BRD1: variants seen among roughly 807,000 people sequenced by gnomAD.
BRD1 encodes bromodomain-containing protein 1.
A neutral mutation model predicts 107.7 loss-of-function variants in BRD1; 24 were observed. The observed-to-expected ratio is 0.22, with a 90% CI of 0.16 to 0.31. BRD1 has a LOEUF of 0.31. BRD1 is among the 10% of genes least tolerant of loss of function. The pLI is 1.00. For missense variants in BRD1, 1,279 were observed against 1,638.6 expected (o/e 0.78, Z 3.79); for synonymous variants, 744 against 686.1 (o/e 1.08, Z -1.32).
chr22:49,790,556 A>G (rs1375854177), intron 7 of BRD1, among the ~76,000 whole-genome samples: 1 of 152,232 alleles, frequency 6.6e-6, no homozygotes, highest in Non-Finnish European at 1.5e-5. Context: ...ACTCTAAGAA[A>G]CTAAAACCTA....
At chr22:49,825,748 A>C (rs1424023422) in intron 1 of BRD1, 1 of 152,218 alleles carries the variant, frequency 6.6e-6, no homozygotes, top group Non-Finnish European at 1.5e-5. Context: ...ATTGGGCCTG[A>C]GAAAAAGCCC....
chr22:49,811,987 C>T (rs1200124320), intron 2 of BRD1, among the ~76,000 whole-genome samples: 1 of 152,148 alleles, frequency 6.6e-6, no homozygotes, highest in Non-Finnish European at 1.5e-5. Flanking sequence ...TCAAAAATTC[C>T]TCTCAAAAAC....
chr22:49,780,880 A>G lies in BRD1; in HGVS notation c.2858-3067T>C, dbSNP rs567455862. On this transcript the variant is annotated intron_variant, in intron 8 of 12. Coordinates refer to ENST00000404760, the MANE Select transcript of BRD1 (RefSeq NM_001304808.3). ...GCCCAACGTGGGGAACCCAGGGCCT[A>G]AGGTCTGCAGAGATGGGTGCCCGGT... Among the ~76,000 whole-genome samples, 47 of 152,326 alleles carry G rather than the reference A, an allele frequency of 3.1e-4. No homozygotes were observed. The South Asian group carries it at 3.5e-3, about 11-fold the overall frequency.
chr22:49,812,563 C>T (rs2147284400), intron 2 of BRD1, among the ~76,000 whole-genome samples: 1 of 152,210 alleles, frequency 6.6e-6, no homozygotes, highest in South Asian at 2.1e-4. Context: ...AGAGCAAGAC[C>T]TTGTCTCAAA....
intron 8 of BRD1, among the ~76,000 whole-genome samples, chr22:49,784,675 G>A (rs534537425): frequency 1.3e-5 from 2 of 152,352 alleles, no homozygotes; most frequent in African/African-American, 2.4e-5. Context: ...ACATCAGAAG[G>A]TTCCGGATAA....
intron 2 of BRD1, among the ~76,000 whole-genome samples, chr22:49,812,094 C>G (rs1182919055): frequency 2.0e-5 from 3 of 147,748 alleles, no homozygotes; most frequent in Non-Finnish European, 3.0e-5. Context: ...GCAAGGAGCA[C>G]AGTCTGCTCC....
intron 1 of BRD1, among the ~76,000 whole-genome samples, chr22:49,827,121 G>A (rs926145745): frequency 2.0e-5 from 3 of 151,540 alleles, no homozygotes; most frequent in African/African-American, 7.3e-5. Context: ...CGGCCGGCTC[G>A]GCGGCTGCCC....
chr22:49,790,702 A>C (rs1436270194), intron 7 of BRD1, among the ~76,000 whole-genome samples: 1 of 152,210 alleles, frequency 6.6e-6, no homozygotes, highest in East Asian at 1.9e-4. Context: ...TCAGCTCACG[A>C]GCAGCAACCA....
Position 49,824,576 on chromosome 22 carries a change from C to G in BRD1, c.-14-245G>C. On this transcript the variant is annotated intron_variant, in intron 1 of 12. Coordinates refer to ENST00000404760, the MANE Select transcript of BRD1 (RefSeq NM_001304808.3). This position sits in a 1 kb window ranked among gnomAD's most constrained non-coding sequence, Gnocchi z 5.9. The stretch of plus-strand genomic sequence containing the variant: ...CCTGAGGAGCCCTCCTGAGCACCTG[C>G]GTCCCTACCACCACACACCAGTCCC... 7.5e-7 allele frequency: 1 copy of G among 1,333,560 alleles called. No homozygotes were observed. The highest frequency in any genetic ancestry group is 9.6e-7 in the Non-Finnish European group (1 of 1,037,796). The allele number at this position is 1,333,560 out of a possible 1,614,324, so 82.6% of individuals were successfully genotyped here.
intron 1 of BRD1, chr22:49,826,162 C>G (rs960045394): frequency 1.0e-6 from 1 of 985,260 alleles, no homozygotes; most frequent in African/African-American, 1.7e-5. Context: ...AGATCAGAAA[C>G]GAACCTGTCA....
chr22:49,825,063 G>GACCACCATGGAA (rs1184316326), intron 1 of BRD1, among the ~76,000 whole-genome samples: 1 of 152,122 alleles, frequency 6.6e-6, no homozygotes, highest in Non-Finnish European at 1.5e-5. Context: ...CCTTGGCAGT[G>GACCACCATGGAA]ACCACCATGG....
At chr22:49,810,013 T>C (rs1459923566) in intron 2 of BRD1, among the ~76,000 whole-genome samples, 1 of 152,220 alleles carries the variant, frequency 6.6e-6, no homozygotes, top group Non-Finnish European at 1.5e-5. Context: ...GTATAACCTA[T>C]TGGGCCATAA....
Position 49,776,420 on chromosome 22 carries a change from C to T in BRD1, c.3122-261G>A, listed in dbSNP as rs573087295. Among the ~76,000 whole-genome samples, 7 of 152,348 alleles carry T rather than the reference C, an allele frequency of 4.6e-5. No individual in the cohort carries two copies. In the East Asian group the frequency reaches 1.4e-3, roughly 29 times the overall value. ...TGCCCTCCAGGCTACAAGGCTCCAA[C>T]TCCAGGTGCCCAGCACAGTCCCTTC... On this transcript the variant is annotated intron_variant, in intron 10 of 12. Coordinates refer to ENST00000404760, the MANE Select transcript of BRD1 (RefSeq NM_001304808.3).
At chr22:49,822,862 C>A in intron 2 of BRD1, 89 bp downstream of exon 2, 2 of 1,471,648 alleles carry the variant, frequency 1.4e-6, no homozygotes, top group Non-Finnish European at 1.8e-6. Flanking sequence ...GCAATGACCA[C>A]ACAGCACGGG....
intron 8 of BRD1, among the ~76,000 whole-genome samples, chr22:49,782,535 G>A (rs1047146388): frequency 1.4e-5 from 2 of 143,062 alleles, no homozygotes; most frequent in African/African-American, 2.6e-5. Context: ...CAGCTGGGAC[G>A]GTCAGAGACA....
chr22:49,793,519 A>T (rs1000696874), intron 7 of BRD1, among the ~76,000 whole-genome samples: 1 of 152,216 alleles, frequency 6.6e-6, no homozygotes, highest in Non-Finnish European at 1.5e-5. Context: ...CGGGGCAGAC[A>T]AGGCCTCTGC....
chr22:49,794,380 T>C lies in BRD1; in HGVS notation c.2099-86A>G, dbSNP rs1241743800. ...ACCGGTCCCGTCTTTCAAATCACCT[T>C]CGGCCAAGGCCCTGAGAGTGGCTGT... is the stretch of plus-strand genomic sequence containing the variant. On this transcript the variant is annotated intron_variant, in intron 6 of 12. Coordinates refer to ENST00000404760, the MANE Select transcript of BRD1 (RefSeq NM_001304808.3). 3.3e-6 allele frequency: 5 copies of C among 1,517,046 alleles called. No individual in the cohort carries two copies. The African/African-American group carries it at 6.9e-5, about 21-fold the overall frequency. The allele number at this position is 1,517,046 out of a possible 1,614,324, so 94.0% of individuals were successfully genotyped here. A position where few individuals can be genotyped will look rare whatever the true frequency, so the allele number is the denominator to read the frequency against.
At chr22:49,791,192 C>T (rs955593785) in intron 7 of BRD1, among the ~76,000 whole-genome samples, 1 of 152,264 alleles carries the variant, frequency 6.6e-6, no homozygotes, top group Non-Finnish European at 1.5e-5. Flanking sequence ...GAAGTCAGCC[C>T]TGGCAGGGCC....
chr22:49,798,340 C>T (rs1395348419), intron 5 of BRD1, among the ~76,000 whole-genome samples: 2 of 152,214 alleles, frequency 1.3e-5, no homozygotes, highest in Non-Finnish European at 2.9e-5. Flanking sequence ...TGCCACAGCC[C>T]AGGGTACTGT....
Sources: gnomAD v4.1 joint callset for allele counts (sites outside exome capture counted in the v4.1 genomes callset) on GRCh38, gnomAD v4.1.1 for gene constraint, Gnocchi (gnomAD v3.1) non-coding constraint, MANE v1.5 for transcripts, NCBI Gene and HGNC (gene_info 2026-07-23, HGNC 2026-07-21) for gene names.